Variants in ATR observed in about 807,000 individuals in gnomAD.
ATR encodes serine/threonine-protein kinase ATR.
ATR carries 142 observed loss-of-function variants against 305.3 expected under a neutral mutation model. The observed-to-expected ratio is 0.47, with a 90% CI of 0.41 to 0.53. The LOEUF (loss-of-function observed/expected upper bound fraction) is 0.53. ATR is among the 20% of genes least tolerant of loss of function. The pLI, the probability that ATR is intolerant of heterozygous loss-of-function variation, is 0.00. For synonymous variants in ATR, 1,050 were observed against 1,068.1 expected (o/e 0.98, Z 0.33); for missense variants, 2,135 against 3,133.1 (o/e 0.68, Z 7.60).
intron 36 of ATR, among the ~76,000 whole-genome samples, chr3:142,476,971 T>C (rs562284051): frequency 1.3e-5 from 2 of 152,344 alleles, no homozygotes; most frequent in Non-Finnish European, 2.9e-5. Context: ...GTGAAGTTGC[T>C]TATCAGCTTA....
Position 142,462,084 on chromosome 3 carries a change from T to C in ATR, c.7048A>G (p.Arg2350Gly), listed in dbSNP as rs752843358. The C allele has an allele frequency of 6.2e-7, 1 of 1,611,364 alleles. No individual in the cohort carries two copies. Among genetic ancestry groups the C allele is most frequent in the Non-Finnish European group, 8.5e-7 (1 of 1,178,718 alleles). The change falls in exon 42 of 47, where the codon AGA becomes GGA. Residue 2350 changes from arginine to glycine, a missense_variant. This residue lies in a region of ATR where 462 missense variants were observed against 887.6 expected (regional missense o/e 0.52). Coordinates refer to ENST00000350721, the MANE Select transcript of ATR (RefSeq NM_001184.4). ...CTTCTACGAGACTCTGCATCTTTTC[T>C]TAAGCACTGTTAAAAAATACACATA... ...EFNSLINKCL[R>G]KDAESRRREL...
chr3:142,518,087 T>C (rs2032984300), intron 24 of ATR, among the ~76,000 whole-genome samples: 1 of 152,164 alleles, frequency 6.6e-6, no homozygotes, highest in East Asian at 1.9e-4. Flanking sequence ...ACAAAGGTCA[T>C]AAACTTTCCA....
rs2070964526 is a variant in ATR, at chr3:142,458,870, A to ATGT, written c.7503+87_7503+88insACA. ...TAACTCAACTGTGAGTATAACTGCT[A>ATGT]CTAACAGGTATGTCAAGGAAGATAC... is the stretch of plus-strand genomic sequence containing the variant. On this transcript the variant is annotated intron_variant, in intron 44 of 46. Coordinates refer to ENST00000350721, the MANE Select transcript of ATR (RefSeq NM_001184.4). The ATGT allele has an allele frequency of 2.1e-6, 3 of 1,437,278 alleles. No individual in the cohort carries two copies. The African/African-American group carries it at 4.2e-5, about 20-fold the overall frequency. The allele number at this position is 1,437,278 out of a possible 1,614,324, so 89.0% of individuals were successfully genotyped here. A position where few individuals can be genotyped will look rare whatever the true frequency, so the allele number is the denominator to read the frequency against.
At chr3:142,544,231 G>A (rs2034172258) in intron 16 of ATR, among the ~76,000 whole-genome samples, 2 of 151,808 alleles carry the variant, frequency 1.3e-5, no homozygotes, top group African/African-American at 4.8e-5. Flanking sequence ...GCTGAGGCAG[G>A]TGGATTACAT....
intron 19 of ATR, among the ~76,000 whole-genome samples, 189 bp from the exon 20 acceptor site, chr3:142,536,390 C>A (rs1284002323): frequency 6.6e-6 from 1 of 152,192 alleles, no homozygotes; most frequent in Non-Finnish European, 1.5e-5. Flanking sequence ...ATGACCAAAG[C>A]TATGAAAATC....
At chr3:142,576,168 C>T (rs2035431391) in intron 1 of ATR, among the ~76,000 whole-genome samples, 1 of 152,148 alleles carries the variant, frequency 6.6e-6, no homozygotes, top group Admixed American at 6.5e-5. Flanking sequence ...TCAGAACTAA[C>T]TTATGGATTA....
intron 3 of ATR, among the ~76,000 whole-genome samples, chr3:142,564,372 T>C (rs1009708588): frequency 4.6e-5 from 7 of 152,212 alleles, no homozygotes; most frequent in African/African-American, 1.7e-4. Context: ...ACTTTTCATT[T>C]CTCTGAACCT....
At position 142,512,288 on chromosome 3, in the gene ATR, T is replaced by C. The variant is rs2032617684; in HGVS notation, c.4824A>G (p.Lys1608=). The C allele has an allele frequency of 6.2e-6, 10 of 1,613,262 alleles. No homozygotes were observed. Among genetic ancestry groups the C allele is most frequent in the Admixed American group, 1.7e-5 (1 of 59,942 alleles). The change falls in exon 27 of 47, where the codon AAA becomes AAG. Residue 1608 remains lysine, a synonymous_variant. Transcript: ENST00000350721. Reference sequence around the variant, plus strand: ...TTGAGTCTACCTTATTTCTGTTTGATTTGCTGTGTGGACATTTCTCAGCTT... The same window carrying C: ...TTGAGTCTACCTTATTTCTGTTTGACTTGCTGTGTGGACATTTCTCAGCTT... ...ALKAEKCPHS[K]SNRNKVDSMV...
At chr3:142,509,751 G>T (rs1343848348) in intron 27 of ATR, among the ~76,000 whole-genome samples, 3 of 150,978 alleles carry the variant, frequency 2.0e-5, no homozygotes, top group Non-Finnish European at 3.0e-5. Context: ...AGAGATGGGG[G>T]TCTCTACAAA....
chr3:142,575,343 G>A lies in ATR; in HGVS notation c.59+3303C>T, dbSNP rs1021715996. ...TCACTAACAATATAAAAATTAGCTCGGTGGTGCAAGCCTGTAGTCCCAGCT... is the reference window on the plus strand; with the variant it reads ...TCACTAACAATATAAAAATTAGCTCAGTGGTGCAAGCCTGTAGTCCCAGCT... On this transcript the variant is annotated intron_variant, in intron 1 of 46. Transcript: ENST00000350721. Among the ~76,000 whole-genome samples the A allele has an allele frequency of 4.6e-5, 7 of 151,962 alleles. 1 individual carries two copies. Among genetic ancestry groups the A allele is most frequent in the Non-Finnish European group, 1.0e-4 (7 of 67,988 alleles).
intron 1 of ATR, among the ~76,000 whole-genome samples, chr3:142,576,098 T>C (rs982226429): frequency 6.6e-6 from 1 of 152,150 alleles, no homozygotes; most frequent in Non-Finnish European, 1.5e-5. Context: ...GAAATTCTGG[T>C]GGTAGCAGTG....
rs2108371404 is a variant in ATR at position 142,512,315 on chromosome 3, C to T, written c.4797G>A (p.Leu1599=). ...TQWARHKFQA[L]KAEKCPHSKS... ...TGCTGTGTGGACATTTCTCAGCTTT[C>T]AGTGCCTGAAATTTGTGCCTTGCCC... is the stretch of plus-strand genomic sequence containing the variant. Residue 1599 remains leucine, a synonymous_variant, in exon 27 of 47, where the codon CTG becomes CTA. Transcript: ENST00000350721. 1.2e-6 allele frequency: 2 copies of T among 1,610,614 alleles called. No individual in the cohort carries two copies. The highest frequency in any genetic ancestry group is 1.3e-5 in the African/African-American group (1 of 74,592).
chr3:142,468,310 CAT>C (rs2071178394), intron 38 of ATR, among the ~76,000 whole-genome samples: 1 of 151,962 alleles, frequency 6.6e-6, no homozygotes, highest in Admixed American at 6.5e-5. Flanking sequence ...TGAGAATAAA[CAT>C]AGACATATCT....
chr3:142,569,942 G>A (rs1163476235), intron 1 of ATR, among the ~76,000 whole-genome samples: 1 of 152,144 alleles, frequency 6.6e-6, no homozygotes, highest in Non-Finnish European at 1.5e-5. Context: ...AACATGCCCA[G>A]CCCCAACTGT....
intron 2 of ATR, among the ~76,000 whole-genome samples, 169 bp downstream of exon 2, chr3:142,567,894 T>C (rs2035126331): frequency 6.6e-6 from 1 of 152,208 alleles, no homozygotes; most frequent in African/African-American, 2.4e-5. Context: ...AATTCAAATT[T>C]TGTAACAAGC....
chr3:142,521,869 C>G (rs1051465360), intron 23 of ATR, among the ~76,000 whole-genome samples: 1 of 152,208 alleles, frequency 6.6e-6, no homozygotes, highest in South Asian at 2.1e-4. Context: ...CAGGTGACAA[C>G]GAAGGATTTA....
At chr3:142,501,251 T>C (rs376292635) in intron 30 of ATR, among the ~76,000 whole-genome samples, 14 of 150,590 alleles carry the variant, frequency 9.3e-5, no homozygotes, top group Non-Finnish European at 1.5e-4. Context: ...GTGTAGTCTA[T>C]GTCAAAAAGA....
Position 142,466,315 on chromosome 3 carries a change from G to A in ATR, c.6897+9C>T. 5.6e-6 allele frequency: 9 copies of A among 1,608,884 alleles called. No individual in the cohort carries two copies. Among genetic ancestry groups the A allele is most frequent in the Non-Finnish European group, 6.8e-6 (8 of 1,175,394 alleles). ...TTTAAAATCATAGTCATATAAAACT[G>A]AAGTTTACCATATCATCAAACCCTG... On this transcript the variant is annotated intron_variant, in intron 40 of 46. Transcript: ENST00000350721.
intron 36 of ATR, among the ~76,000 whole-genome samples, chr3:142,480,947 T>C (rs2030406848): frequency 1.3e-5 from 2 of 152,230 alleles, no homozygotes; most frequent in Non-Finnish European, 2.9e-5. Flanking sequence ...AGCGCAGTAT[T>C]AGGGTGGGAG....
Sources: allele counts gnomAD v4.1 joint callset (sites outside exome capture counted in the v4.1 genomes callset), GRCh38; gene constraint gnomAD v4.1.1; regional missense constraint gnomAD v4.1.1; transcripts MANE v1.5; gene names NCBI Gene and HGNC (gene_info 2026-07-23, HGNC 2026-07-21).